SSTR5: variants seen among roughly 807,000 people sequenced by gnomAD.
The protein encoded by SSTR5 is somatostatin receptor 5.
SSTR5 carries 1 observed loss-of-function variant against 0.3 expected under a neutral mutation model. The ratio of observed to expected loss-of-function variants is 2.98; its 90% CI spans 1.06 to 14.15. SSTR5 has a LOEUF of 14.15. SSTR5 is among the 30% of genes most tolerant of loss of function. The pLI is 0.12. For missense variants in SSTR5, 516 were observed against 543.2 expected, an observed-to-expected ratio of 0.95 and a Z score of 0.50; for synonymous variants, 256 against 263.1, an observed-to-expected ratio of 0.97 and a Z score of 0.26.
In SSTR5 at chr16:1,078,994, G is replaced by T; in HGVS notation, c.126G>T (p.Leu42=). ...CCTCGGCAGGGGCCCGGGCGGTGCTGGTGCCCGTGCTGTACCTGCTGGTGT... is the reference window on the plus strand; with the variant it reads ...CCTCGGCAGGGGCCCGGGCGGTGCTTGTGCCCGTGCTGTACCTGCTGGTGT... ...PAPSAGARAV[L]VPVLYLLVCA... Residue 42 remains leucine, a synonymous_variant, in exon 2 of 2, where the codon CTG becomes CTT. Coordinates refer to ENST00000689027, the MANE Select transcript of SSTR5 (RefSeq NM_001172560.3). The T allele has an allele frequency of 6.3e-7, 1 of 1,593,890 alleles. No individual in the cohort carries two copies. The highest frequency in any genetic ancestry group is 1.8e-5 in the Admixed American group (1 of 57,026).
At chr16:1,073,857 A>G (rs1002937873) in intron 1 of SSTR5, among the ~76,000 whole-genome samples, 1 of 152,210 alleles carries the variant, frequency 6.6e-6, no homozygotes, top group African/African-American at 2.4e-5. Context: ...CACCAAGGAC[A>G]GGCGCCTGGC....
Position 1,079,442 on chromosome 16 carries a change from G to A in SSTR5, c.574G>A (p.Glu192Lys). ...EGGTCNASWP[E>K]PVGLWGAVFI... is the part of the protein sequence containing the mutation. ...CGGTACCTGCAACGCCAGCTGGCCG[G>A]AGCCCGTGGGGCTGTGGGGCGCCGT... The change falls in exon 2 of 2, where the codon GAG becomes AAG. Residue 192 changes from glutamate to lysine, a missense_variant. By Grantham distance (56) the Glu-to-Lys change is moderately conservative. Transcript: ENST00000689027. 6.2e-7 allele frequency: 1 copy of A among 1,605,154 alleles called. No individual in the cohort carries two copies. The highest frequency in any genetic ancestry group is 8.5e-7 in the Non-Finnish European group (1 of 1,176,346).
In SSTR5 at chr16:1,079,007, T is replaced by A; in HGVS notation, c.139T>A (p.Tyr47Asn). ...CCGGGCGGTGCTGGTGCCCGTGCTGTACCTGCTGGTGTGTGCGGCCGGGCT... is the reference window on the plus strand; with the variant it reads ...CCGGGCGGTGCTGGTGCCCGTGCTGAACCTGCTGGTGTGTGCGGCCGGGCT... ...GARAVLVPVL[Y>N]LLVCAAGLGG... The change falls in exon 2 of 2, where the codon TAC (tyrosine) becomes AAC (asparagine). Residue 47 changes from tyrosine to asparagine, a missense_variant. By Grantham distance (143) the Tyr-to-Asn change is moderately radical. Coordinates refer to ENST00000689027, the MANE Select transcript of SSTR5 (RefSeq NM_001172560.3). 6.2e-7 allele frequency: 1 copy of A among 1,601,138 alleles called. No homozygotes were observed. The highest frequency in any genetic ancestry group is 8.5e-7 in the Non-Finnish European group (1 of 1,175,184).
chr16:1,076,034 TCC>T (rs1190773103), intron 1 of SSTR5, among the ~76,000 whole-genome samples: 1 of 256 alleles, frequency 3.9e-3, no homozygotes, highest in East Asian at 0.056. Flanking sequence ...CACCTCCCCC[TCC>T]CTCTCCCTCC....
intron 1 of SSTR5, among the ~76,000 whole-genome samples, chr16:1,075,515 G>A (rs1960175228): frequency 6.6e-6 from 1 of 152,088 alleles, no homozygotes; most frequent in Admixed American, 6.5e-5. Context: ...CACGTGCTGG[G>A]GACCCAGGGC....
chr16:1,080,137 G>A lies in SSTR5; in HGVS notation c.*174G>A, dbSNP rs1960336881. The A allele has an allele frequency of 9.1e-6, 8 of 880,932 alleles. No individual in the cohort carries two copies. The highest frequency in any genetic ancestry group is 1.9e-5 in the South Asian group (1 of 51,738). The allele number at this position is 880,932 out of a possible 1,614,324, so 54.6% of individuals were successfully genotyped here. A position where few individuals can be genotyped will look rare whatever the true frequency, so the allele number is the denominator to read the frequency against. ...GGGCAGTAGGTTCCCCACCGTGACC[G>A]ACCATCCCCTCTAACCGTCTGCCAC... On this transcript the variant is annotated 3_prime_UTR_variant, in exon 2 of 2. Transcript: ENST00000689027.
chr16:1,080,975 C>G lies in SSTR5; in HGVS notation c.*1012C>G, dbSNP rs1304318586. On this transcript the variant is annotated 3_prime_UTR_variant, in exon 2 of 2. Transcript: ENST00000689027. ...GCAGAGGACGGTCATCCAGGCGCAGCGGGGAGCTGCTCCCCAGGCCACAGC... is the reference window on the plus strand; with the variant it reads ...GCAGAGGACGGTCATCCAGGCGCAGGGGGGAGCTGCTCCCCAGGCCACAGC... 2.2e-6 allele frequency: 1 copy of G among 455,522 alleles called. No homozygotes were observed. Among genetic ancestry groups the G allele is most frequent in the Admixed American group, 2.4e-5 (1 of 41,196 alleles). The allele number at this position is 455,522 out of a possible 1,614,324, so 28.2% of individuals were successfully genotyped here.
At chr16:1,074,658 C>G (rs1458573553) in intron 1 of SSTR5, among the ~76,000 whole-genome samples, 3 of 152,206 alleles carry the variant, frequency 2.0e-5, no homozygotes, top group Non-Finnish European at 2.9e-5. Context: ...TGGTCCCCGT[C>G]GTGGGGAGGT....
intron 1 of SSTR5, chr16:1,073,644 C>T (rs1276335658): frequency 6.6e-6 from 1 of 152,352 alleles, no homozygotes; most frequent in East Asian, 1.9e-4. Context: ...CCCTCCTCCC[C>T]CACCCCAGAC....
intron 1 of SSTR5, among the ~76,000 whole-genome samples, chr16:1,075,861 TCCCTC>T (rs1960182351): frequency 6.6e-5 from 3 of 45,462 alleles, no homozygotes; most frequent in Non-Finnish European, 1.3e-4. Context: ...TCCCTCTCCC[TCCCTC>T]CCTCTCTCCC....
chr16:1,079,466 G>A lies in SSTR5; in HGVS notation c.598G>A (p.Val200Ile), dbSNP rs143272280. 1.1e-4 allele frequency: 180 copies of A among 1,609,240 alleles called. No individual in the cohort carries two copies. In the Middle Eastern group the frequency reaches 1.3e-3, roughly 12 times the overall value. Residue 200 changes from valine to isoleucine, a missense_variant, in exon 2 of 2, where the codon GTC (valine) becomes ATC (isoleucine). By Grantham distance (29) the Val-to-Ile change is conservative. Coordinates refer to ENST00000689027, the MANE Select transcript of SSTR5 (RefSeq NM_001172560.3). ...GGAGCCCGTGGGGCTGTGGGGCGCC[G>A]TCTTCATCATCTACACGGCCGTGCT... is the stretch of plus-strand genomic sequence containing the variant. ...WPEPVGLWGA[V>I]FIIYTAVLGF...
intron 1 of SSTR5, chr16:1,078,506 A>T: frequency 2.6e-5 from 9 of 343,210 alleles, no homozygotes; most frequent in Non-Finnish European, 4.4e-5. Context: ...GAGGGGCTTC[A>T]GGGAGACGCA....
intron 1 of SSTR5, among the ~76,000 whole-genome samples, chr16:1,074,582 T>A (rs1960156405): frequency 6.6e-6 from 1 of 152,190 alleles, no homozygotes; most frequent in Admixed American, 6.5e-5. Flanking sequence ...GCTGGGGAAA[T>A]GCTGGGCTGC....
chr16:1,079,746 C>T lies in SSTR5; in HGVS notation c.878C>T (p.Ser293Phe). The change falls in exon 2 of 2, where the codon TCC (serine) becomes TTC (phenylalanine). Residue 293 changes from serine to phenylalanine, a missense_variant. Transcript: ENST00000689027. Reference sequence around the variant, plus strand: ...CTCTACTTCTTCGTGGTCATCCTCTCCTACGCCAACAGCTGTGCCAACCCC... The same window carrying T: ...CTCTACTTCTTCGTGGTCATCCTCTTCTACGCCAACAGCTGTGCCAACCCC... The part of the protein sequence containing the change: ...AGLYFFVVIL[S>F]YANSCANPVL... The T allele has an allele frequency of 1.2e-6, 2 of 1,612,320 alleles. No homozygotes were observed. Among genetic ancestry groups the T allele is most frequent in the Non-Finnish European group, 1.7e-6 (2 of 1,179,942 alleles).
At chr16:1,075,928 C>T (rs1191870579) in intron 1 of SSTR5, among the ~76,000 whole-genome samples, 1 of 80,218 alleles carries the variant, frequency 1.2e-5, no homozygotes, top group Non-Finnish European at 2.6e-5. Flanking sequence ...CCCTCTCTCC[C>T]CCCACCCTGT....
intron 1 of SSTR5, chr16:1,078,353 T>A: frequency 1.2e-5 from 2 of 165,992 alleles, no homozygotes; most frequent in Non-Finnish European, 2.6e-5. Flanking sequence ...CAGGTGCCAT[T>A]CATCCCAGGC....
At position 1,080,192 on chromosome 16, in the gene SSTR5, G is replaced by A. The variant is rs1009369887; in HGVS notation, c.*229G>A. 6 of 600,338 alleles carry A rather than the reference G, an allele frequency of 1.0e-5. No homozygotes were observed. The highest frequency in any genetic ancestry group is 1.7e-5 in the Non-Finnish European group (6 of 350,934). 37.2% of individuals were successfully genotyped at this position (600,338 alleles called of 1,614,324 possible). ...CGGGGGCTCCCGGGAGGTAGGGGAG[G>A]TGGCCAGACCGGTGGGGGGCTCCGC... On this transcript the variant is annotated 3_prime_UTR_variant, in exon 2 of 2. Transcript: ENST00000689027.
Position 1,080,196 on chromosome 16 carries a change from C to T in SSTR5, c.*233C>T. On this transcript the variant is annotated 3_prime_UTR_variant, in exon 2 of 2. Coordinates refer to ENST00000689027, the MANE Select transcript of SSTR5 (RefSeq NM_001172560.3). The stretch of plus-strand genomic sequence containing the variant: ...GGCTCCCGGGAGGTAGGGGAGGTGG[C>T]CAGACCGGTGGGGGGCTCCGCCATG... 1.7e-6 allele frequency: 1 copy of T among 578,686 alleles called. No individual in the cohort carries two copies. The highest frequency in any genetic ancestry group is 3.0e-5 in the South Asian group (1 of 32,822). The allele number at this position is 578,686 out of a possible 1,614,324, so 35.8% of individuals were successfully genotyped here.
At chr16:1,078,571 C>T in intron 1 of SSTR5, 1 of 502,070 alleles carries the variant, frequency 2.0e-6, no homozygotes, top group South Asian at 2.1e-5. Flanking sequence ...CATCTGGGTG[C>T]AGGGGCGGCC....
Sources: gnomAD v4.1 joint callset for allele counts (sites outside exome capture counted in the v4.1 genomes callset) on GRCh38, gnomAD v4.1.1 for gene constraint, MANE v1.5 for transcripts, NCBI Gene and HGNC (gene_info 2026-07-23, HGNC 2026-07-21) for gene names.